Variants in C6 observed in about 807,000 individuals in gnomAD.
The protein encoded by C6 is complement C6, also known as complement component C6.
Under a neutral mutation model 112.9 loss-of-function variants are expected in C6, and 101 were observed. The observed-to-expected ratio is 0.89, with a 90% CI of 0.76 to 1.06. The LOEUF is 1.06. C6 is among the 50% of genes least tolerant of loss of function. The probability of loss-of-function intolerance (pLI) is 0.00; values close to 1 mark genes in which losing one functional copy is unlikely to be tolerated. For missense variants in C6, 1,202 were observed against 1,104.6 expected, an observed-to-expected ratio of 1.09 and a Z score of -1.25; for synonymous variants, 431 against 384.1, an observed-to-expected ratio of 1.12 and a Z score of -1.43.
intron 9 of C6, among the ~76,000 whole-genome samples, chr5:41,167,090 C>T (rs576850860): frequency 6.4e-4 from 98 of 152,006 alleles, no homozygotes; most frequent in African/African-American, 2.2e-3. Flanking sequence ...TTATTTCTCT[C>T]ATAATTGAAG....
At chr5:41,206,052 C>T (rs768197070) in intron 1 of C6, among the ~76,000 whole-genome samples, 34 of 152,324 alleles carry the variant, frequency 2.2e-4, no homozygotes, top group Non-Finnish European at 3.8e-4. Flanking sequence ...CAACATTTGC[C>T]GTTCTGCAGT....
intron 9 of C6, among the ~76,000 whole-genome samples, chr5:41,164,863 A>G (rs1389881845): frequency 6.6e-6 from 1 of 152,194 alleles, no homozygotes; most frequent in Non-Finnish European, 1.5e-5. Flanking sequence ...ATTGACACAG[A>G]AATGTACATA....
At chr5:41,214,234 A>G (rs1181662731), upstream of C6, among the ~76,000 whole-genome samples, 2 of 152,202 alleles carry the variant, frequency 1.3e-5, no homozygotes, top group African/African-American at 2.4e-5. Flanking sequence ...ACTATACCTC[A>G]TTGGAACACT....
At chr5:41,220,168 T>G (rs190546266) in intron 1 of C6, among the ~76,000 whole-genome samples, 16 of 152,314 alleles carry the variant, frequency 1.1e-4, no homozygotes, top group Non-Finnish European at 1.6e-4. Context: ...TCTTGCCATG[T>G]TTTTCAAACA....
At chr5:41,179,785 T>C (rs1258595421) in intron 7 of C6, among the ~76,000 whole-genome samples, 2 of 151,336 alleles carry the variant, frequency 1.3e-5, no homozygotes, top group African/African-American at 4.8e-5. Context: ...GTGTTCTTTC[T>C]GTATTTTGCT....
Position 41,144,102 on chromosome 5 carries a change from G to A in C6, c.2624-1096C>T, listed in dbSNP as rs115070974. 1.5e-3 allele frequency among the ~76,000 whole-genome samples: 232 copies of A among 152,088 alleles called. 1 individual carries two copies. Among genetic ancestry groups the A allele is most frequent in the African/African-American group, 5.4e-3 (226 of 41,504 alleles). On this transcript the variant is annotated intron_variant, in intron 17 of 17. Transcript: ENST00000337836. ...GTTTAACTGTCTGTTTCCCCAACAA[G>A]ACCCCAAAAGTGCTCCAGTTTTTGT...
chr5:41,155,195 T>C (rs2150248351), intron 13 of C6, 91 bp from the exon 14 acceptor site: 2 of 1,236,052 alleles, frequency 1.6e-6, no homozygotes, highest in East Asian at 4.7e-5. Context: ...TATCCTTCAC[T>C]TCTGGATCTA....
At chr5:41,257,823 T>C (rs1012673596) in intron 1 of C6, among the ~76,000 whole-genome samples, 1 of 152,164 alleles carries the variant, frequency 6.6e-6, no homozygotes, top group African/African-American at 2.4e-5. Flanking sequence ...ACATATTCCC[T>C]TTTTATTTTT....
At chr5:41,253,207 C>G (rs192030962) in intron 1 of C6, among the ~76,000 whole-genome samples, 67 of 152,254 alleles carry the variant, frequency 4.4e-4, no homozygotes, top group Admixed American at 3.9e-3. Context: ...TTTTTCCTTT[C>G]TGGCTGGTAG....
At chr5:41,177,138 A>T (rs1748923622) in intron 7 of C6, among the ~76,000 whole-genome samples, 1 of 152,210 alleles carries the variant, frequency 6.6e-6, no homozygotes, top group Non-Finnish European at 1.5e-5. Context: ...TATGCAAGTG[A>T]GATTCAAGTT....
chr5:41,143,355 A>G (rs967034116), intron 17 of C6, among the ~76,000 whole-genome samples: 2 of 152,090 alleles, frequency 1.3e-5, no homozygotes, highest in African/African-American at 4.8e-5. Flanking sequence ...GATTTGCACT[A>G]TCTCTGGCAC....
intron 14 of C6, among the ~76,000 whole-genome samples, chr5:41,154,288 C>T (rs1284351083): frequency 6.6e-6 from 1 of 152,182 alleles, no homozygotes; most frequent in Non-Finnish European, 1.5e-5. Flanking sequence ...TTTCAAGAAA[C>T]ACTTTCTTTT....
intron 15 of C6, 47 bp downstream of exon 15, chr5:41,153,763 A>AG: frequency 7.2e-7 from 1 of 1,397,864 alleles, no homozygotes; most frequent in Admixed American, 1.7e-5. Context: ...TACCAATCTC[A>AG]GGGTGCACCA....
Position 41,160,302 on chromosome 5 carries a change from C to T in C6, c.1524G>A (p.Arg508=), listed in dbSNP as rs562300050. ...TGGCTGCATACTCTTGCAAAGCTTT[C>T]CTGAGGTTGTTCCGTTTTGTCACTG... ...PCAVTKRNNL[R]KALQEYAAKF... is the part of the protein sequence containing the mutation. Residue 508 remains arginine (R), a synonymous_variant, in exon 11 of 18, where the codon AGG becomes AGA. Coordinates refer to ENST00000337836, the MANE Select transcript of C6 (RefSeq NM_000065.5). The T allele has an allele frequency of 6.2e-7, 1 of 1,613,868 alleles. No individual in the cohort carries two copies. Among genetic ancestry groups the T allele is most frequent in the Admixed American group, 1.7e-5 (1 of 59,974 alleles).
chr5:41,176,639 G>T lies in C6; in HGVS notation c.1004C>A (p.Ser335Tyr), dbSNP rs1580118132. Reference sequence around the variant, plus strand: ...GTTAAGTGCTTTCAAAAAGACATCAGAAAGGTGCAGATCTTTAGCTTTCGT... The same window carrying T: ...GTTAAGTGCTTTCAAAAAGACATCATAAAGGTGCAGATCTTTAGCTTTCGT... ...FTTKAKDLHL[S>Y]DVFLKALNHL... The change falls in exon 8 of 18, where the codon TCT becomes TAT. Residue 335 changes from serine to tyrosine, a missense_variant. By Grantham distance (144) the Ser-to-Tyr change is moderately radical. Coordinates refer to ENST00000337836, the MANE Select transcript of C6 (RefSeq NM_000065.5). 6.2e-7 allele frequency: 1 copy of T among 1,613,832 alleles called. No homozygotes were observed. Among genetic ancestry groups the T allele is most frequent in the Non-Finnish European group, 8.5e-7 (1 of 1,179,830 alleles).
At chr5:41,155,134 A>C in intron 13 of C6, 30 bp from the exon 14 acceptor site, 1 of 1,588,648 alleles carries the variant, frequency 6.3e-7, no homozygotes, top group African/African-American at 1.3e-5. Context: ...AGAAATTATT[A>C]ATGCTATGAA....
intron 1 of C6, among the ~76,000 whole-genome samples, chr5:41,240,375 CT>C (rs1328540717): frequency 1.3e-5 from 2 of 152,050 alleles, no homozygotes; most frequent in African/African-American, 4.8e-5. Flanking sequence ...CTCCAGGTGG[CT>C]TTCTTGGGTG....
chr5:41,236,673 A>G (rs1232389070), intron 1 of C6, among the ~76,000 whole-genome samples: 3 of 135,004 alleles, frequency 2.2e-5, no homozygotes, highest in Non-Finnish European at 4.7e-5. Flanking sequence ...AGAACTAGAA[A>G]AGCAAGAGCA....
intron 1 of C6, among the ~76,000 whole-genome samples, chr5:41,259,993 C>T (rs1206124184): frequency 6.6e-6 from 1 of 152,206 alleles, no homozygotes; most frequent in Non-Finnish European, 1.5e-5. Context: ...AAACCACTCT[C>T]AGCTGGAAAT....
Sources: allele counts gnomAD v4.1 joint callset (sites outside exome capture counted in the v4.1 genomes callset), GRCh38; gene constraint gnomAD v4.1.1; transcripts MANE v1.5; gene names NCBI Gene and HGNC (gene_info 2026-07-23, HGNC 2026-07-21).